The following SETX variants were observed in gnomAD, a reference collection of about 807,000 sequenced individuals.
SETX encodes the protein senataxin, also known as helicase senataxin.
Under a neutral mutation model 227.2 loss-of-function variants are expected in SETX, and 90 were observed. The observed-to-expected ratio is 0.40, with a 90% CI of 0.33 to 0.47. The LOEUF (loss-of-function observed/expected upper bound fraction) is 0.47, where lower values mean the gene tolerates loss of function less well. Ranked by LOEUF, SETX falls within the 20% of genes least tolerant of loss-of-function variation. The pLI, the probability that SETX is intolerant of heterozygous loss-of-function variation, is 0.91. For missense variants in SETX, 3,052 were observed against 3,181.5 expected, an observed-to-expected ratio of 0.96 and a Z score of 0.98; for synonymous variants, 1,210 against 1,113.2, an observed-to-expected ratio of 1.09 and a Z score of -1.73.
intron 11 of SETX, among the ~76,000 whole-genome samples, chr9:132,301,233 C>A (rs139168295): frequency 0.012 from 1,889 of 151,704 alleles, 49 homozygotes; most frequent in African/African-American, 0.043. Context: ...GCTGGAGGCG[C>A]CCGCCACCAC....
Position 132,328,236 on chromosome 9 carries a change from T to C in SETX, c.3362A>G (p.Gln1121Arg), listed in dbSNP as rs1249127100. 2.5e-6 allele frequency: 4 copies of C among 1,614,034 alleles called. No individual in the cohort carries two copies. The African/African-American group carries it at 5.3e-5, about 22-fold the overall frequency. ...LAPIANTTNG[Q>R]GCTDYVSEVV... is the part of the protein sequence containing the mutation. ...TTCAGATACATAATCTGTACAACCC[T>C]GACCATTTGTAGTATTGGCTATAGG... The change falls in exon 10 of 26, where the codon CAG becomes CGG. Residue 1121 changes from glutamine to arginine, a missense_variant. This residue lies in a region of SETX where 1,483 missense variants were observed against 1,312.0 expected (regional missense o/e 1.13). Transcript: ENST00000224140.
At position 132,264,425 on chromosome 9, in the gene SETX, G is replaced by A; in HGVS notation, c.7848C>T (p.Ser2616=). 1.2e-6 allele frequency: 2 copies of A among 1,614,100 alleles called. No individual in the cohort carries two copies. The highest frequency in any genetic ancestry group is 2.2e-5 in the South Asian group (2 of 91,076). The part of the protein sequence containing the change: ...GEPPAASPEA[S]TCQSKCDDPE... ...GGTCATCACATTTGCTCTGACACGT[G>A]GAAGCCTCGGGACTGGCAGCTGGAG... The change falls in exon 26 of 26, where the codon TCC becomes TCT. Residue 2616 remains serine (S), a synonymous_variant. Coordinates refer to ENST00000224140, the MANE Select transcript of SETX (RefSeq NM_015046.7).
intron 4 of SETX, among the ~76,000 whole-genome samples, 181 bp from the exon 5 acceptor site, chr9:132,342,980 G>A (rs932513169): frequency 3.3e-5 from 5 of 152,108 alleles, no homozygotes; most frequent in Non-Finnish European, 7.3e-5. Flanking sequence ...GGCTAAATCC[G>A]TTGATCACAG....
At position 132,334,674 on chromosome 9, in the gene SETX, A is replaced by G. The variant is rs749313518; in HGVS notation, c.772T>C (p.Leu258=). Reference sequence around the variant, plus strand: ...AAATCATTTTGTTTGTCTGAGCCCAACAACAGGGAATCCATGGCTTGTTCC... The same window carrying G: ...AAATCATTTTGTTTGTCTGAGCCCAGCAACAGGGAATCCATGGCTTGTTCC... ...LEEQAMDSLL[L]GSDKQNDFMQ... The change falls in exon 7 of 26, where the codon TTG becomes CTG. Residue 258 remains leucine, a synonymous_variant. Transcript: ENST00000224140. 1.9e-6 allele frequency: 3 copies of G among 1,614,134 alleles called. No homozygotes were observed. In the East Asian group the frequency reaches 6.7e-5, roughly 36 times the overall value.
intron 10 of SETX, among the ~76,000 whole-genome samples, chr9:132,321,837 G>C (rs56006216): frequency 3.9e-4 from 59 of 152,166 alleles, no homozygotes; most frequent in African/African-American, 1.3e-3. Flanking sequence ...AACAGAGTGA[G>C]ACTCCGTCTG....
At chr9:132,324,599 G>A (rs1846586426) in intron 10 of SETX, among the ~76,000 whole-genome samples, 2 of 152,110 alleles carry the variant, frequency 1.3e-5, no homozygotes, top group Non-Finnish European at 2.9e-5. Flanking sequence ...TCCAGAAAGT[G>A]CCCTGTCCCC....
chr9:132,301,506 A>G (rs1172378091), intron 11 of SETX, among the ~76,000 whole-genome samples: 2 of 152,112 alleles, frequency 1.3e-5, no homozygotes, highest in Non-Finnish European at 2.9e-5. Context: ...TCAGTGATGG[A>G]CCGGATATAT....
chr9:132,285,905 A>G (rs567851988), intron 18 of SETX, among the ~76,000 whole-genome samples: 15 of 147,802 alleles, frequency 1.0e-4, no homozygotes, highest in Admixed American at 9.5e-4. Flanking sequence ...AAAAGAGGCC[A>G]GGTGTGGTGC....
At chr9:132,296,647 A>G (rs1421346116) in intron 14 of SETX, among the ~76,000 whole-genome samples, 3 of 151,928 alleles carry the variant, frequency 2.0e-5, no homozygotes, top group African/African-American at 7.3e-5. Flanking sequence ...AAGCCTGAAG[A>G]CCATCATTCT....
At chr9:132,296,065 C>G (rs770437484) in intron 14 of SETX, 37 bp from the exon 15 acceptor site, 62 of 1,612,850 alleles carry the variant, frequency 3.8e-5, no homozygotes, top group Non-Finnish European at 4.9e-5. Context: ...AACAAACACA[C>G]AAAAAATATG....
At chr9:132,319,624 TTTC>T (rs1365183625) in intron 10 of SETX, among the ~76,000 whole-genome samples, 1 of 152,188 alleles carries the variant, frequency 6.6e-6, no homozygotes, top group Non-Finnish European at 1.5e-5. Context: ...TGAACAATAC[TTTC>T]TTCTTCTGGA....
chr9:132,345,399 G>C lies in SETX; in HGVS notation c.388+862C>G, dbSNP rs1296850554. Among the ~76,000 whole-genome samples, 5 of 152,182 alleles carry C rather than the reference G, an allele frequency of 3.3e-5. No homozygotes were observed. In the East Asian group the frequency reaches 9.6e-4, roughly 29 times the overall value. On this transcript the variant is annotated intron_variant, in intron 4 of 25. Transcript: ENST00000224140. ...AGTGATTCTCCTGCCTCAGCCTCCT[G>C]AGTAGCTGGGATTACAGGTGCCTGC...
chr9:132,316,731 CAAG>C (rs1043997837), intron 10 of SETX, among the ~76,000 whole-genome samples: 6 of 152,162 alleles, frequency 3.9e-5, no homozygotes, highest in South Asian at 4.1e-4. Flanking sequence ...GACACATATG[CAAG>C]AAGGAGTTCC....
intron 22 of SETX, among the ~76,000 whole-genome samples, 190 bp downstream of exon 22, chr9:132,276,870 A>C (rs1843191311): frequency 6.6e-6 from 1 of 152,214 alleles, no homozygotes; most frequent in South Asian, 2.1e-4. Flanking sequence ...CTACTCAAGC[A>C]CTTGCTTATG....
intron 11 of SETX, among the ~76,000 whole-genome samples, chr9:132,307,980 T>C (rs926206874): frequency 1.3e-5 from 2 of 151,970 alleles, no homozygotes; most frequent in Non-Finnish European, 2.9e-5. Flanking sequence ...CCCGGACTAC[T>C]AGTGAATTAA....
Position 132,312,207 on chromosome 9 carries a change from T to C in SETX, c.5275-351A>G, listed in dbSNP as rs115485624. ...ATAACGTACTGCTGGACAGCTCCGG[T>C]AGAATGCTACTTCCCAACCAGATCA... On this transcript the variant is annotated intron_variant, in intron 10 of 25. Transcript: ENST00000224140. Among the ~76,000 whole-genome samples the C allele has an allele frequency of 4.7e-3, 715 of 152,304 alleles. 4 individuals are homozygous for C. The highest frequency in any genetic ancestry group is 0.016 in the African/African-American group (684 of 41,564).
At chr9:132,302,699 C>G (rs1356742864) in intron 11 of SETX, among the ~76,000 whole-genome samples, 1 of 86,834 alleles carries the variant, frequency 1.2e-5, no homozygotes, top group African/African-American at 4.1e-5. Context: ...AAAAAAAAAA[C>G]CAGCAGGCAT....
intron 10 of SETX, among the ~76,000 whole-genome samples, chr9:132,313,580 T>C (rs895472436): frequency 6.6e-6 from 1 of 152,194 alleles, no homozygotes; most frequent in Non-Finnish European, 1.5e-5. Context: ...ATTCACAGGT[T>C]TGTGTATTTG....
intron 10 of SETX, among the ~76,000 whole-genome samples, chr9:132,313,051 G>A (rs754824248): frequency 6.6e-6 from 1 of 152,130 alleles, no homozygotes; most frequent in East Asian, 1.9e-4. Context: ...ATAGACAGAC[G>A]AGAGATTAGT....
Sources: allele counts gnomAD v4.1 joint callset (sites outside exome capture counted in the v4.1 genomes callset), GRCh38; gene constraint gnomAD v4.1.1; regional missense constraint gnomAD v4.1.1; transcripts MANE v1.5; gene names NCBI Gene and HGNC (gene_info 2026-07-23, HGNC 2026-07-21).